Variants in STARD9 observed in about 807,000 individuals in gnomAD.
STARD9 encodes the protein stAR-related lipid transfer protein 9.
STARD9 carries 346 observed loss-of-function variants against 399.8 expected under a neutral mutation model. That is an observed-to-expected ratio of 0.87 (90% CI 0.79 to 0.95). The LOEUF (loss-of-function observed/expected upper bound fraction) is 0.95, where lower values mean the gene tolerates loss of function less well. Among genes scored for constraint, STARD9 ranks in the 40% least tolerant of loss-of-function variants. The pLI, the probability that STARD9 is intolerant of heterozygous loss-of-function variation, is 0.00. For missense variants in STARD9, 5,832 were observed against 5,667.5 expected, an observed-to-expected ratio of 1.03 and a Z score of -0.93; for synonymous variants, 2,203 against 2,143.5, an observed-to-expected ratio of 1.03 and a Z score of -0.77.
intron 3 of STARD9, among the ~76,000 whole-genome samples, chr15:42,607,997 A>AC (rs985243309): frequency 1.3e-5 from 2 of 150,186 alleles, no homozygotes; most frequent in African/African-American, 2.5e-5. Flanking sequence ...GCTCACCCCC[A>AC]CCCCCCGCAG....
Position 42,689,615 on chromosome 15 carries a change from T to C in STARD9, c.8037T>C (p.Thr2679=). 1 of 1,537,526 alleles carries C rather than the reference T, an allele frequency of 6.5e-7. No individual in the cohort carries two copies. The highest frequency in any genetic ancestry group is 8.7e-7 in the Non-Finnish European group (1 of 1,146,988). Residue 2679 remains threonine (T), a synonymous_variant, in exon 23 of 33, where the codon ACT becomes ACC. Coordinates refer to ENST00000290607, the MANE Select transcript of STARD9 (RefSeq NM_020759.3). ...CTGCTCAAGACAGGAAACGTCGTAC[T>C]GGAGAACTGAGGCAGTTCGCGGGAG... ...AAPAQDRKRR[T]GELRQFAGAS...
intron 26 of STARD9, among the ~76,000 whole-genome samples, chr15:42,710,907 CTCTCTCTGTG>C (rs2061203037): frequency 8.0e-6 from 1 of 124,810 alleles, no homozygotes; most frequent in South Asian, 2.5e-4. Context: ...CTCTCTCTCT[CTCTCTCTGTG>C]TGTGTGTGTC....
In STARD9 at chr15:42,637,667, C is replaced by G. The variant is rs542475811; in HGVS notation, c.352-240C>G. On this transcript the variant is annotated intron_variant, in intron 4 of 32. Transcript: ENST00000290607. ...GTATCTGGGTTTGCCGGCTTCTCCT[C>G]TTTTCCTTCTTATGGTGATACATAT... Among the ~76,000 whole-genome samples, 17 of 152,262 alleles carry G rather than the reference C, an allele frequency of 1.1e-4. 1 individual carries two copies. The highest frequency in any genetic ancestry group is 3.9e-4 in the African/African-American group (16 of 41,548).
intron 3 of STARD9, among the ~76,000 whole-genome samples, chr15:42,626,463 T>A (rs1176257434): frequency 6.6e-6 from 1 of 151,020 alleles, no homozygotes; most frequent in Admixed American, 6.6e-5. Flanking sequence ...TTCCTTCTCC[T>A]CTTCCTCCTC....
intron 22 of STARD9, among the ~76,000 whole-genome samples, chr15:42,683,844 CA>C (rs2060487094): frequency 6.6e-6 from 1 of 151,948 alleles, no homozygotes; most frequent in Non-Finnish European, 1.5e-5. Flanking sequence ...CTCTATTCCT[CA>C]TATTGCCTAT....
chr15:42,596,360 G>A (rs920070737), intron 3 of STARD9, among the ~76,000 whole-genome samples: 1 of 152,190 alleles, frequency 6.6e-6, no homozygotes, highest in Non-Finnish European at 1.5e-5. Context: ...ACTTGGGTTT[G>A]TCCTGGGTTT....
chr15:42,718,239 T>A, intron 30 of STARD9, 60 bp downstream of exon 30: 1 of 1,463,572 alleles, frequency 6.8e-7, no homozygotes, highest in South Asian at 1.2e-5. Flanking sequence ...CAGTGGGGTC[T>A]TGCTGGGGGA....
In STARD9 at chr15:42,687,954, A is replaced by G; in HGVS notation, c.6376A>G (p.Arg2126Gly). 6.5e-7 allele frequency: 1 copy of G among 1,537,406 alleles called. No individual in the cohort carries two copies. Among genetic ancestry groups the G allele is most frequent in the Non-Finnish European group, 8.7e-7 (1 of 1,146,954 alleles). ...AAGACAGACAGATGATACTGTCTTTAGGGATAGTGAAGCTGGAGCGATGGA... is the reference window on the plus strand; with the variant it reads ...AAGACAGACAGATGATACTGTCTTTGGGGATAGTGAAGCTGGAGCGATGGA... ...SPRQTDDTVFRDSEAGAMEVN... is the reference protein window; with the variant it reads ...SPRQTDDTVFGDSEAGAMEVN... The change falls in exon 23 of 33, where the codon AGG (arginine) becomes GGG (glycine). Residue 2126 changes from arginine (R) to glycine (G), a missense_variant. Arg to Gly is a moderately radical substitution (Grantham distance 125, BLOSUM62 -2). Coordinates refer to ENST00000290607, the MANE Select transcript of STARD9 (RefSeq NM_020759.3).
Position 42,693,998 on chromosome 15 carries a change from C to T in STARD9, c.12420C>T (p.Asn4140=), listed in dbSNP as rs1335873986. 5 of 1,517,084 alleles carry T rather than the reference C, an allele frequency of 3.3e-6. No homozygotes were observed. Among genetic ancestry groups the T allele is most frequent in the Non-Finnish European group, 4.4e-6 (5 of 1,136,138 alleles). The allele number at this position is 1,517,084 out of a possible 1,614,324, so 94.0% of individuals were successfully genotyped here. Residue 4140 remains asparagine (N), a synonymous_variant, in exon 23 of 33, where the codon AAC becomes AAT. Transcript: ENST00000290607. ...HHSLRDLPVH[N]KFSNWCGVQK... is the part of the protein sequence containing the mutation. ...GTCTGAGGGACCTCCCGGTGCATAA[C>T]AAATTTAGTAACTGGTGTGGGGTTC...
At chr15:42,628,034 A>T (rs541693905) in intron 3 of STARD9, among the ~76,000 whole-genome samples, 57 of 152,232 alleles carry the variant, frequency 3.7e-4, no homozygotes, top group Non-Finnish European at 6.2e-4. Flanking sequence ...TGGCTGTACT[A>T]ATTTACATTC....
In STARD9 at chr15:42,640,607, G is replaced by A. The variant is rs145054253; in HGVS notation, c.559+1795G>A. 6.0e-3 allele frequency among the ~76,000 whole-genome samples: 905 copies of A among 151,976 alleles called. 11 individuals are homozygous for A. Among genetic ancestry groups the A allele is most frequent in the African/African-American group, 0.021 (863 of 41,446 alleles). On this transcript the variant is annotated intron_variant, in intron 7 of 32. Coordinates refer to ENST00000290607, the MANE Select transcript of STARD9 (RefSeq NM_020759.3). ...GAGGCTGAGGCGGGCAGAACATGAG[G>A]TCAGGAGATTGAGACCATCCTGGCC...
chr15:42,617,221 TAG>T (rs1275973089), intron 3 of STARD9, among the ~76,000 whole-genome samples: 1 of 152,218 alleles, frequency 6.6e-6, no homozygotes, highest in African/African-American at 2.4e-5. Context: ...ATAATTTTAT[TAG>T]AGTGTCTGAT....
Position 42,693,399 on chromosome 15 carries a change from G to A in STARD9, c.11821G>A (p.Val3941Ile). 6.5e-7 allele frequency: 1 copy of A among 1,537,194 alleles called. No homozygotes were observed. Among genetic ancestry groups the A allele is most frequent in the African/African-American group, 1.4e-5 (1 of 73,160 alleles). ...HQKLDSSPDP[V>I]DAPRTPMDNY... is the part of the protein sequence containing the mutation. ...GAAGCTTGACTCCAGCCCAGACCCT[G>A]TTGATGCCCCAAGGACTCCAATGGA... The change falls in exon 23 of 33, where the codon GTT becomes ATT. Residue 3941 changes from valine (V) to isoleucine (I), a missense_variant. Physicochemically the swap from Val to Ile is conservative, Grantham distance 29. Around this residue, in one of 2 missense-constraint regions of STARD9, gnomAD observed 5,828 missense variants for 5,651.1 expected, o/e 1.03. Transcript: ENST00000290607.
In STARD9 at chr15:42,682,263, A is replaced by G. The variant is rs1383969705; in HGVS notation, c.2225A>G (p.Gln742Arg). 4 of 1,537,158 alleles carry G rather than the reference A, an allele frequency of 2.6e-6. No homozygotes were observed. In the African/African-American group the frequency reaches 5.5e-5, roughly 21 times the overall value. ...EIQPSPFVQS[Q>R]KRVVHLQLLR... is the part of the protein sequence containing the mutation. ...CAGCCATCCCCATTTGTCCAAAGTC[A>G]GAAAAGGGTGGTGCACCTGCAGCTC... Residue 742 changes from glutamine to arginine, a missense_variant, in exon 22 of 33, where the codon CAG becomes CGG. Physicochemically the swap from Gln to Arg is conservative, Grantham distance 43. Transcript: ENST00000290607.
chr15:42,675,814 A>G (rs1226692289), intron 19 of STARD9, 58 bp from the exon 20 acceptor site: 1 of 1,534,450 alleles, frequency 6.5e-7, no homozygotes, highest in Non-Finnish European at 8.7e-7. Flanking sequence ...TGAAAAGCCA[A>G]GCTGGGAGAG....
intron 9 of STARD9, among the ~76,000 whole-genome samples, chr15:42,659,002 G>A (rs762689436): frequency 2.6e-5 from 4 of 152,022 alleles, no homozygotes; most frequent in Non-Finnish European, 4.4e-5. Flanking sequence ...AATCCCAGCT[G>A]CTCAGGAGGC....
chr15:42,600,514 GTTTC>G (rs1199907628), intron 3 of STARD9, among the ~76,000 whole-genome samples: 4 of 150,526 alleles, frequency 2.7e-5, no homozygotes, highest in South Asian at 2.1e-4. Context: ...GTTTTGCTTC[GTTTC>G]TTTCTTTCTT....
Position 42,692,892 on chromosome 15 carries a change from T to A in STARD9, c.11314T>A (p.Ser3772Thr), listed in dbSNP as rs1409745436. ...EGLGSDTSTV[S>T]QEEGDVPGVP... ...GCTAGGCTCAGATACCTCGACTGTG[T>A]CTCAAGAAGAGGGAGATGTGCCAGG... is the stretch of plus-strand genomic sequence containing the variant. The change falls in exon 23 of 33, where the codon TCT (serine) becomes ACT (threonine). Residue 3772 changes from serine (S) to threonine (T), a missense_variant. Transcript: ENST00000290607. 7.2e-6 allele frequency: 11 copies of A among 1,537,150 alleles called. No individual in the cohort carries two copies.
chr15:42,592,936 C>A lies in STARD9; in HGVS notation c.234+7299C>A, dbSNP rs1014887491. Among the ~76,000 whole-genome samples, 10 of 152,316 alleles carry A rather than the reference C, an allele frequency of 6.6e-5. No individual in the cohort carries two copies. The East Asian group carries it at 1.5e-3, about 23-fold the overall frequency. Reference sequence around the variant, plus strand: ...ATTCAGGCAGTCAGTTATTGGCTAGCTTACTTTGGGCAAGTTGCTTATCCT... The same window carrying A: ...ATTCAGGCAGTCAGTTATTGGCTAGATTACTTTGGGCAAGTTGCTTATCCT... On this transcript the variant is annotated intron_variant, in intron 3 of 32. Coordinates refer to ENST00000290607, the MANE Select transcript of STARD9 (RefSeq NM_020759.3).
Sources: gnomAD v4.1 joint callset for allele counts (sites outside exome capture counted in the v4.1 genomes callset) on GRCh38, gnomAD v4.1.1 for gene constraint, gnomAD v4.1.1 regional missense constraint, MANE v1.5 for transcripts, NCBI Gene and HGNC (gene_info 2026-07-23, HGNC 2026-07-21) for gene names.